The following RGS5 variants were observed in gnomAD, a reference collection of about 807,000 sequenced individuals.
RGS5 encodes regulator of G protein signaling 5, also known as regulator of G-protein signalling 5.
Under a neutral mutation model 18.9 loss-of-function variants are expected in RGS5, and 20 were observed. The observed-to-expected ratio is 1.06, with a 90% CI of 0.74 to 1.54. RGS5 has a LOEUF of 1.54. Ranked by LOEUF, RGS5 falls within the 40% of genes most tolerant of loss-of-function variation. RGS5 has a pLI of 0.00. For synonymous variants in RGS5, 57 were observed against 76.2 expected, an observed-to-expected ratio of 0.75 and a Z score of 1.31; for missense variants, 201 against 211.8, an observed-to-expected ratio of 0.95 and a Z score of 0.32.
chr1:163,247,463 A>G (rs945963612), intron 2 of RGS5, among the ~76,000 whole-genome samples: 2 of 152,018 alleles, frequency 1.3e-5, no homozygotes, highest in African/African-American at 4.8e-5. Context: ...AAGATTCACT[A>G]TCAGGCAAAC....
In RGS5 at chr1:163,209,755, G is replaced by A. The variant is rs1660056214; in HGVS notation, c.69+7771C>T. ...GTTAGTTTTATTGTCAGTTTTCTAGGGTATTTGAGGCTTGCTGTCATAGCT... is the reference window on the plus strand; with the variant it reads ...GTTAGTTTTATTGTCAGTTTTCTAGAGTATTTGAGGCTTGCTGTCATAGCT... On this transcript the variant is annotated intron_variant, in intron 1 of 5. Transcript: ENST00000367903. 2.0e-5 allele frequency among the ~76,000 whole-genome samples: 3 copies of A among 151,950 alleles called. No individual in the cohort carries two copies. The South Asian group carries it at 6.2e-4, about 32-fold the overall frequency.
upstream of RGS5, among the ~76,000 whole-genome samples, chr1:163,218,038 A>ATT (rs1660255986): frequency 1.6e-5 from 2 of 128,952 alleles, no homozygotes; most frequent in Non-Finnish European, 3.5e-5. Context: ...ACCTGCCTGA[A>ATT]AAAAAAAAAA....
chr1:163,203,504 C>A (rs1659856482), upstream of RGS5, among the ~76,000 whole-genome samples: 1 of 152,112 alleles, frequency 6.6e-6, no homozygotes, highest in Non-Finnish European at 1.5e-5. Context: ...TCAGGAAGCA[C>A]CAGGCAAGGT....
chr1:163,204,538 C>T (rs1245438355), upstream of RGS5, among the ~76,000 whole-genome samples: 1 of 152,118 alleles, frequency 6.6e-6, no homozygotes, highest in East Asian at 1.9e-4. Flanking sequence ...TTTGAATACA[C>T]AGGGTCTAGT....
At chr1:163,173,419 C>T (rs1039598865) in intron 1 of RGS5, among the ~76,000 whole-genome samples, 1 of 152,182 alleles carries the variant, frequency 6.6e-6, no homozygotes, top group African/African-American at 2.4e-5. Context: ...TTTAAATCTG[C>T]TCCCTGTGTG....
chr1:163,294,403 C>T (rs865930375), intron 2 of RGS5, among the ~76,000 whole-genome samples: 1 of 152,242 alleles, frequency 6.6e-6, no homozygotes, highest in Non-Finnish European at 1.5e-5. Context: ...TGAAACATGG[C>T]CCAAGCTGTA....
At chr1:163,206,119 G>T (rs563804239), upstream of RGS5, among the ~76,000 whole-genome samples, 179 of 152,096 alleles carry the variant, frequency 1.2e-3, no homozygotes, top group Non-Finnish European at 1.4e-3. Flanking sequence ...ACTGTCAATA[G>T]GTTGTGATAT....
At position 163,171,272 on chromosome 1, in the gene RGS5, C is replaced by T. The variant is rs527777113; in HGVS notation, c.45-2904G>A. Among the ~76,000 whole-genome samples the T allele has an allele frequency of 2.6e-5, 4 of 152,080 alleles. No homozygotes were observed. The South Asian group carries it at 8.3e-4, about 32-fold the overall frequency. The stretch of plus-strand genomic sequence containing the variant: ...GAAATGCATGCAATATTTGTGGCTA[C>T]CCTCTGCTGACTAATGTGCAGTATT... On this transcript the variant is annotated intron_variant, in intron 1 of 4. Transcript: ENST00000313961.
At chr1:163,287,795 G>A (rs1649181449) in intron 2 of RGS5, among the ~76,000 whole-genome samples, 1 of 152,178 alleles carries the variant, frequency 6.6e-6, no homozygotes. Flanking sequence ...CACTTTGCAT[G>A]AACTTTATTA....
intron 2 of RGS5, among the ~76,000 whole-genome samples, chr1:163,162,599 T>TA (rs578017605): frequency 3.7e-4 from 55 of 146,772 alleles, no homozygotes; most frequent in Middle Eastern, 3.5e-3. Context: ...CTTTCTAATT[T>TA]AAAAAAAAAA....
At chr1:163,273,184 A>G (rs1648765569) in intron 2 of RGS5, among the ~76,000 whole-genome samples, 1 of 152,150 alleles carries the variant, frequency 6.6e-6, no homozygotes, top group East Asian at 1.9e-4. Flanking sequence ...TTTTCCAAAT[A>G]AACTTGAAAA....
upstream of RGS5, among the ~76,000 whole-genome samples, chr1:163,206,323 C>T (rs1309001494): frequency 1.3e-5 from 2 of 151,852 alleles, no homozygotes; most frequent in East Asian, 3.9e-4. Flanking sequence ...GTTATAACAG[C>T]ACAAACTAAG....
intron 1 of RGS5, among the ~76,000 whole-genome samples, chr1:163,208,373 GAAAAGAAAA>G (rs1421115796): frequency 3.2e-5 from 4 of 126,098 alleles, no homozygotes; most frequent in Admixed American, 2.4e-4. Flanking sequence ...AAAAAAAAAG[GAAAAGAAAA>G]AAAAGAAAAG....
intron 2 of RGS5, among the ~76,000 whole-genome samples, chr1:163,273,422 A>G (rs555694315): frequency 6.6e-6 from 1 of 152,142 alleles, no homozygotes; most frequent in Non-Finnish European, 1.5e-5. Context: ...TAGGTGAAAT[A>G]CACTTAAAAT....
intron 2 of RGS5, among the ~76,000 whole-genome samples, chr1:163,241,559 T>C (rs1004979254): frequency 6.6e-6 from 1 of 152,212 alleles, no homozygotes; most frequent in Non-Finnish European, 1.5e-5. Flanking sequence ...CAGATAGGTA[T>C]GGATCACACT....
chr1:163,315,650 C>T (rs892821112), intron 1 of RGS5, among the ~76,000 whole-genome samples: 42 of 152,046 alleles, frequency 2.8e-4, no homozygotes, highest in African/African-American at 8.5e-4. Flanking sequence ...GAATTCCATG[C>T]GAGTCCTTAA....
At chr1:163,296,002 T>C (rs1325841767) in intron 2 of RGS5, among the ~76,000 whole-genome samples, 1 of 152,118 alleles carries the variant, frequency 6.6e-6, no homozygotes, top group Non-Finnish European at 1.5e-5. Flanking sequence ...AGCTACAATA[T>C]CTGATGACAA....
intron 2 of RGS5, among the ~76,000 whole-genome samples, chr1:163,270,378 G>C (rs1648688493): frequency 6.9e-6 from 1 of 144,596 alleles, no homozygotes; most frequent in South Asian, 2.2e-4. Flanking sequence ...AAAAAAGCCA[G>C]GCCTGTTGGT....
chr1:163,175,732 G>A (rs192764678), intron 1 of RGS5, among the ~76,000 whole-genome samples: 1 of 152,296 alleles, frequency 6.6e-6, no homozygotes, highest in Admixed American at 6.5e-5. Context: ...TTTAGTAATA[G>A]TGTGATATCA....
Sources: gnomAD v4.1 joint callset for allele counts (sites outside exome capture counted in the v4.1 genomes callset) on GRCh38, gnomAD v4.1.1 for gene constraint, MANE v1.5 for transcripts, NCBI Gene and HGNC (gene_info 2026-07-23, HGNC 2026-07-21) for gene names.